Variants in CUL3 observed in about 807,000 individuals in gnomAD.
CUL3 encodes the protein cullin-3.
CUL3 carries 19 observed loss-of-function variants against 89.1 expected under a neutral mutation model. The observed-to-expected ratio is 0.21, with a 90% confidence interval of 0.15 to 0.31. The LOEUF (loss-of-function observed/expected upper bound fraction) is 0.31, where lower values mean the gene tolerates loss of function less well. Among genes scored for constraint, CUL3 ranks in the 10% least tolerant of loss-of-function variants. CUL3 has a pLI of 1.00. For missense variants in CUL3, 469 were observed against 942.3 expected, an observed-to-expected ratio of 0.50 and a Z score of 6.58; for synonymous variants, 351 against 308.4, an observed-to-expected ratio of 1.14 and a Z score of -1.45.
At chr2:224,487,958 C>A (rs1485988165) in intron 13 of CUL3, among the ~76,000 whole-genome samples, 3 of 152,158 alleles carry the variant, frequency 2.0e-5, no homozygotes, top group South Asian at 2.1e-4. Flanking sequence ...CAAAACTGTA[C>A]AACTACATGG....
At chr2:224,505,800 A>T in intron 8 of CUL3, 156 bp downstream of exon 8, 2 of 424,158 alleles carry the variant, frequency 4.7e-6, no homozygotes, top group Non-Finnish European at 4.0e-6. Context: ...GGGCATGTCA[A>T]GTATTTCAAA....
intron 3 of CUL3, among the ~76,000 whole-genome samples, chr2:224,518,614 CT>C (rs1559164884): frequency 6.6e-6 from 1 of 152,154 alleles, no homozygotes; most frequent in East Asian, 1.9e-4. Context: ...GTTAGGAATT[CT>C]TTATATGATC....
In CUL3 at chr2:224,584,989, G is replaced by C; in HGVS notation, c.21C>G (p.Gly7=). The change falls in exon 1 of 16, where the codon GGC becomes GGG. Residue 7 remains glycine, a synonymous_variant. Coordinates refer to ENST00000264414, the MANE Select transcript of CUL3 (RefSeq NM_003590.5). MSNLSK[G]TGSRKDTKMR... is the part of the protein sequence containing the mutation. Reference sequence around the variant, plus strand: ...TCTTGGTGTCCTTCCGGCTGCCCGTGCCTTTGCTCAGATTCGACATGGTGC... The same window carrying C: ...TCTTGGTGTCCTTCCGGCTGCCCGTCCCTTTGCTCAGATTCGACATGGTGC... 6.6e-7 allele frequency: 1 copy of C among 1,510,478 alleles called. No individual in the cohort carries two copies. Among genetic ancestry groups the C allele is most frequent in the Non-Finnish European group, 8.9e-7 (1 of 1,118,572 alleles). The allele number at this position is 1,510,478 out of a possible 1,614,324, so 93.6% of individuals were successfully genotyped here.
At chr2:224,543,213 T>C (rs987560044) in intron 2 of CUL3, among the ~76,000 whole-genome samples, 5 of 152,158 alleles carry the variant, frequency 3.3e-5, no homozygotes, top group East Asian at 1.9e-4. Context: ...ATACTGAAAA[T>C]TGAGGACTTC....
rs1180450883 is a variant in CUL3, at chr2:224,471,224, C to T, written c.*3021G>A. Reference sequence around the variant, plus strand: ...CTACAATTGATATGCAACAGCTTTCCTTCCAAGATTGACACAATATACCAT... The same window carrying T: ...CTACAATTGATATGCAACAGCTTTCTTTCCAAGATTGACACAATATACCAT... On this transcript the variant is annotated 3_prime_UTR_variant, in exon 16 of 16. Coordinates refer to ENST00000264414, the MANE Select transcript of CUL3 (RefSeq NM_003590.5). The T allele has an allele frequency of 2.8e-5, 6 of 210,632 alleles. No individual in the cohort carries two copies. The highest frequency in any genetic ancestry group is 1.1e-4 in the African/African-American group (5 of 44,080). 13.0% of individuals were successfully genotyped at this position (210,632 alleles called of 1,614,324 possible).
At chr2:224,502,441 T>C (rs1692427296) in intron 10 of CUL3, among the ~76,000 whole-genome samples, 1 of 152,220 alleles carries the variant, frequency 6.6e-6, no homozygotes, top group Non-Finnish European at 1.5e-5. Context: ...TGGGGAGTTA[T>C]ACCAAACACA....
chr2:224,537,808 A>G (rs1693950708), intron 2 of CUL3, among the ~76,000 whole-genome samples: 1 of 152,196 alleles, frequency 6.6e-6, no homozygotes, highest in Admixed American at 6.5e-5. Flanking sequence ...TGTTAACTAC[A>G]TTAAAATCAC....
intron 6 of CUL3, among the ~76,000 whole-genome samples, chr2:224,507,867 C>A (rs1338797298): frequency 6.6e-6 from 1 of 152,124 alleles, no homozygotes; most frequent in African/African-American, 2.4e-5. Context: ...GTTTTACAAT[C>A]AATAACTTTT....
chr2:224,536,050 C>T lies in CUL3; in HGVS notation c.265-409G>A, dbSNP rs150001418. ...GAATACTGATTTTGGAGTCAATTAC[C>T]TGGGCTCCAATCCCAGCTCCCTAAC... On this transcript the variant is annotated intron_variant, in intron 2 of 15. Coordinates refer to ENST00000264414, the MANE Select transcript of CUL3 (RefSeq NM_003590.5). Among the ~76,000 whole-genome samples the T allele has an allele frequency of 1.0e-3, 157 of 152,296 alleles. 2 individuals carry two copies. The highest frequency in any genetic ancestry group is 6.8e-3 in the Middle Eastern group (2 of 294).
intron 1 of CUL3, among the ~76,000 whole-genome samples, chr2:224,573,861 A>T (rs1215947802): frequency 6.6e-6 from 1 of 152,200 alleles, no homozygotes; most frequent in Non-Finnish European, 1.5e-5. Flanking sequence ...AGGATTTCAG[A>T]TAATTAGTTA....
chr2:224,474,591 T>C (rs765085107), intron 15 of CUL3: 9 of 482,698 alleles, frequency 1.9e-5, no homozygotes, highest in Non-Finnish European at 2.6e-5. Flanking sequence ...CTAAAGTGGA[T>C]AGCAGTTGAA....
chr2:224,550,461 C>T (rs1694473598), intron 2 of CUL3, among the ~76,000 whole-genome samples: 1 of 152,158 alleles, frequency 6.6e-6, no homozygotes, highest in Non-Finnish European at 1.5e-5. Flanking sequence ...CCTGTACCAT[C>T]TATATGTTCA....
chr2:224,511,244 C>CAA, intron 6 of CUL3, 110 bp downstream of exon 6: 1 of 729,542 alleles, frequency 1.4e-6, no homozygotes, highest in Non-Finnish European at 2.2e-6. Flanking sequence ...TAACAATACA[C>CAA]ACCAAAACTT....
At chr2:224,582,005 C>T in intron 1 of CUL3, among the ~76,000 whole-genome samples, 1 of 151,876 alleles carries the variant, frequency 6.6e-6, no homozygotes, top group East Asian at 1.9e-4. Context: ...GCTTTTGTTG[C>T]CCAGGCTGGA....
intron 3 of CUL3, among the ~76,000 whole-genome samples, chr2:224,524,668 C>T (rs1470924143): frequency 1.3e-5 from 2 of 152,052 alleles, no homozygotes; most frequent in African/African-American, 2.4e-5. Context: ...CTGTACTTTA[C>T]CTGCCTGCCG....
chr2:224,581,358 T>G (rs1361954983), intron 1 of CUL3, among the ~76,000 whole-genome samples: 1 of 149,062 alleles, frequency 6.7e-6, no homozygotes, highest in African/African-American at 2.5e-5. Flanking sequence ...ACCGTGCCAC[T>G]GCACTTCAGC....
At chr2:224,576,276 C>A (rs1022138598) in intron 1 of CUL3, among the ~76,000 whole-genome samples, 4 of 152,124 alleles carry the variant, frequency 2.6e-5, no homozygotes, top group African/African-American at 9.7e-5. Flanking sequence ...GAAGAACAGT[C>A]ATGGTGGAGG....
chr2:224,579,868 G>A (rs1215427838), intron 1 of CUL3, among the ~76,000 whole-genome samples: 1 of 152,210 alleles, frequency 6.6e-6, no homozygotes, highest in Non-Finnish European at 1.5e-5. Flanking sequence ...GGAAAGGACA[G>A]CATTTTCATT....
intron 2 of CUL3, among the ~76,000 whole-genome samples, chr2:224,540,130 C>A (rs1366510581): frequency 6.6e-6 from 1 of 151,088 alleles, no homozygotes; most frequent in Non-Finnish European, 1.5e-5. Context: ...AATCTTGGCT[C>A]ACTGCAACCT....
Sources: allele counts gnomAD v4.1 joint callset (sites outside exome capture counted in the v4.1 genomes callset), GRCh38; gene constraint gnomAD v4.1.1; transcripts MANE v1.5; gene names NCBI Gene and HGNC (gene_info 2026-07-23, HGNC 2026-07-21).